The following ITGA1 variants were observed in gnomAD, a reference collection of about 807,000 sequenced individuals.
ITGA1 encodes the protein integrin alpha-1.
A neutral mutation model predicts 145.9 loss-of-function variants in ITGA1; 85 were observed. That is an observed-to-expected ratio of 0.58 (90% confidence interval 0.49 to 0.70). The LOEUF (loss-of-function observed/expected upper bound fraction) is 0.70, where lower values mean the gene tolerates loss of function less well. Among genes scored for constraint, ITGA1 ranks in the 30% least tolerant of loss-of-function variants. The pLI, the probability that ITGA1 is intolerant of heterozygous loss-of-function variation, is 0.00. For missense variants in ITGA1, 1,351 were observed against 1,418.7 expected, an observed-to-expected ratio of 0.95 and a Z score of 0.77; for synonymous variants, 520 against 495.3, an observed-to-expected ratio of 1.05 and a Z score of -0.66.
chr5:52,810,136 A>T (rs1322899051), intron 1 of ITGA1, among the ~76,000 whole-genome samples: 2 of 152,184 alleles, frequency 1.3e-5, no homozygotes. Context: ...AAAGATGGGG[A>T]TGGTGACAGG....
chr5:52,800,451 C>A (rs11547951), intron 1 of ITGA1: 1 of 1,614,030 alleles, frequency 6.2e-7, no homozygotes, highest in South Asian at 1.1e-5. Flanking sequence ...TGACCCTGGT[C>A]CCCGAGGAGC....
chr5:52,821,604 C>T (rs559147507), intron 1 of ITGA1, among the ~76,000 whole-genome samples: 1 of 152,158 alleles, frequency 6.6e-6, no homozygotes, highest in Admixed American at 6.6e-5. Flanking sequence ...TAAGCATATA[C>T]TCATACAGTA....
intron 14 of ITGA1, among the ~76,000 whole-genome samples, chr5:52,911,986 TG>T (rs1750555464): frequency 3.7e-5 from 2 of 53,742 alleles, no homozygotes; most frequent in African/African-American, 9.2e-5. Flanking sequence ...ATATACTATA[TG>T]TATAGTGTGT....
At chr5:52,876,990 G>T (rs1284666414) in intron 6 of ITGA1, among the ~76,000 whole-genome samples, 1 of 152,126 alleles carries the variant, frequency 6.6e-6, no homozygotes, top group Non-Finnish European at 1.5e-5. Flanking sequence ...CCTGAAGATG[G>T]GGGTGAATGG....
intron 1 of ITGA1, among the ~76,000 whole-genome samples, chr5:52,804,777 A>G (rs1006784626): frequency 1.3e-5 from 2 of 152,154 alleles, no homozygotes; most frequent in Non-Finnish European, 2.9e-5. Context: ...CATTTAAACC[A>G]TGTGGTTTTC....
At chr5:52,931,294 G>A (rs1316903323) in intron 21 of ITGA1, 2 of 152,050 alleles carry the variant, frequency 1.3e-5, no homozygotes, top group African/African-American at 4.8e-5. Flanking sequence ...CCATTTTATA[G>A]ATGAAGAAAC....
At chr5:52,840,205 G>A (rs897351768) in intron 1 of ITGA1, among the ~76,000 whole-genome samples, 1 of 152,078 alleles carries the variant, frequency 6.6e-6, no homozygotes, top group African/African-American at 2.4e-5. Context: ...TTCCACTAAC[G>A]AAAGTACCAC....
intron 14 of ITGA1, among the ~76,000 whole-genome samples, chr5:52,911,005 ACT>A (rs1491475920): frequency 7.1e-4 from 24 of 33,626 alleles, no homozygotes; most frequent in African/African-American, 2.5e-3. Context: ...TAGTATGTAT[ACT>A]GTATATACTA....
At chr5:52,851,521 T>A (rs999252075) in intron 2 of ITGA1, among the ~76,000 whole-genome samples, 3 of 152,162 alleles carry the variant, frequency 2.0e-5, no homozygotes, top group African/African-American at 7.2e-5. Flanking sequence ...CTAAGGTTAT[T>A]CTATCTTTGT....
At chr5:52,916,333 CATA>C (rs1417759724) in intron 15 of ITGA1, among the ~76,000 whole-genome samples, 1 of 151,304 alleles carries the variant, frequency 6.6e-6, no homozygotes, top group African/African-American at 2.5e-5. Context: ...GGAAGGGTTT[CATA>C]AATAAAATCT....
chr5:52,803,911 G>A (rs890101320), intron 1 of ITGA1: 4 of 152,066 alleles, frequency 2.6e-5, no homozygotes, highest in African/African-American at 9.7e-5. Context: ...TCCCCAGTCA[G>A]GAAAAAGATT....
At chr5:52,926,199 G>A (rs1369726283) in intron 19 of ITGA1, among the ~76,000 whole-genome samples, 1 of 152,074 alleles carries the variant, frequency 6.6e-6, no homozygotes, top group Non-Finnish European at 1.5e-5. Flanking sequence ...TGTAAACTCA[G>A]ATTTCATGGA....
chr5:52,933,967 A>T lies in ITGA1; in HGVS notation c.2935A>T (p.Ile979Phe). Residue 979 changes from isoleucine (I) to phenylalanine (F), a missense_variant, in exon 23 of 29, where the codon ATT (isoleucine) becomes TTT (phenylalanine). Coordinates refer to ENST00000282588, the MANE Select transcript of ITGA1 (RefSeq NM_181501.2). ...VPEVINSTEDIGNEINIFYLI... is the reference protein window; with the variant it reads ...VPEVINSTEDFGNEINIFYLI... ...TGAAGTTATTAATTCTACTGAGGAC[A>T]TTGGAAATGAAATTAATATCTTCTA... 1 of 1,491,946 alleles carries T rather than the reference A, an allele frequency of 6.7e-7. No homozygotes were observed. The highest frequency in any genetic ancestry group is 9.1e-7 in the Non-Finnish European group (1 of 1,104,860). The allele number at this position is 1,491,946 out of a possible 1,614,324, so 92.4% of individuals were successfully genotyped here. A position where few individuals can be genotyped will look rare whatever the true frequency, so the allele number is the denominator to read the frequency against.
intron 1 of ITGA1, among the ~76,000 whole-genome samples, chr5:52,790,663 A>G (rs1378856147): frequency 6.6e-6 from 1 of 152,142 alleles, no homozygotes; most frequent in Non-Finnish European, 1.5e-5. Flanking sequence ...TGACCCTACT[A>G]CCTTCCTAAG....
rs371540422 is a variant in ITGA1 at position 52,849,491 on chromosome 5, C to A, written c.182+6C>A. On this transcript the variant is annotated splice_donor_region_variant and intron_variant, in intron 2 of 28. Transcript: ENST00000282588. ...GAAAATGAAGAAGGAAAATGGTAAGCCAGTGGGTTTTGTTGTTGTTATTTA... is the reference window on the plus strand; with the variant it reads ...GAAAATGAAGAAGGAAAATGGTAAGACAGTGGGTTTTGTTGTTGTTATTTA... 4 of 1,589,046 alleles carry A rather than the reference C, an allele frequency of 2.5e-6. No individual in the cohort carries two copies. The highest frequency in any genetic ancestry group is 3.4e-6 in the Non-Finnish European group (4 of 1,163,552).
intron 1 of ITGA1, among the ~76,000 whole-genome samples, chr5:52,848,965 T>C (rs1324224816): frequency 1.3e-5 from 2 of 152,200 alleles, no homozygotes; most frequent in African/African-American, 2.4e-5. Context: ...ATTTTCTTAA[T>C]CCAGTCTATC....
chr5:52,863,781 C>T (rs1749642832), intron 3 of ITGA1, among the ~76,000 whole-genome samples: 2 of 152,126 alleles, frequency 1.3e-5, no homozygotes, highest in Non-Finnish European at 2.9e-5. Flanking sequence ...CCCTAATTGT[C>T]CCAGGAATGC....
At chr5:52,859,896 T>C (rs534307633) in intron 2 of ITGA1, among the ~76,000 whole-genome samples, 1 of 152,316 alleles carries the variant, frequency 6.6e-6, no homozygotes, top group African/African-American at 2.4e-5. Context: ...GGGCATCTAT[T>C]TCCAGCACTG....
chr5:52,788,639 A>G (rs1748177811), intron 1 of ITGA1, among the ~76,000 whole-genome samples: 1 of 152,220 alleles, frequency 6.6e-6, no homozygotes, highest in Admixed American at 6.5e-5. Context: ...CCCTAGGAGT[A>G]GGAGTGAGGC....
Sources: gnomAD v4.1 joint callset for allele counts (sites outside exome capture counted in the v4.1 genomes callset) on GRCh38, gnomAD v4.1.1 for gene constraint, MANE v1.5 for transcripts, NCBI Gene and HGNC (gene_info 2026-07-23, HGNC 2026-07-21) for gene names.